The following IFT80 variants were observed in gnomAD, a reference collection of about 807,000 sequenced individuals.
IFT80 encodes the protein intraflagellar transport 80, also known as intraflagellar transport protein 80 homolog.
IFT80 carries 79 observed loss-of-function variants against 107.9 expected under a neutral mutation model. The ratio of observed to expected loss-of-function variants is 0.73; its 90% CI spans 0.61 to 0.88. The LOEUF (loss-of-function observed/expected upper bound fraction) is 0.88, where lower values mean the gene tolerates loss of function less well. Ranked by LOEUF, IFT80 falls within the 40% of genes least tolerant of loss-of-function variation. IFT80 has a pLI of 0.00. For synonymous variants in IFT80, 299 were observed against 300.9 expected (o/e 0.99, Z 0.07); for missense variants, 797 against 914.2 (o/e 0.87, Z 1.65).
chr3:160,381,358 T>C (rs1712500520), intron 3 of IFT80, 145 bp downstream of exon 3: 1 of 688,254 alleles, frequency 1.5e-6, no homozygotes, highest in East Asian at 2.7e-5. Context: ...ACAAACCAAG[T>C]GACTATTCAG....
chr3:160,279,448 G>C, intron 15 of IFT80, 84 bp from the exon 16 acceptor site: 1 of 1,057,092 alleles, frequency 9.5e-7, no homozygotes, highest in East Asian at 2.5e-5. Flanking sequence ...GGAGTGGACC[G>C]TGAAATACAC....
At position 160,395,068 on chromosome 3, in the gene IFT80, A is replaced by T. The variant is rs376654326; in HGVS notation, c.-47+4078T>A. On this transcript the variant is annotated intron_variant, in intron 1 of 19. Transcript: ENST00000326448. Reference sequence around the variant, plus strand: ...CAATGCTCACAGTATTATTTAATCTATCCACTTATATATTTAATATAGAAT... The same window carrying T: ...CAATGCTCACAGTATTATTTAATCTTTCCACTTATATATTTAATATAGAAT... 3.3e-5 allele frequency among the ~76,000 whole-genome samples: 5 copies of T among 152,202 alleles called. No homozygotes were observed. In the East Asian group the frequency reaches 5.8e-4, roughly 18 times the overall value.
intron 9 of IFT80, among the ~76,000 whole-genome samples, chr3:160,309,361 TAAGG>T (rs1189601213): frequency 6.6e-6 from 1 of 152,078 alleles, no homozygotes; most frequent in Non-Finnish European, 1.5e-5. Flanking sequence ...TAAAAAGGAA[TAAGG>T]AAGATCTATA....
At chr3:160,299,340 A>C in intron 12 of IFT80, 1 of 566,924 alleles carries the variant, frequency 1.8e-6, no homozygotes, top group South Asian at 4.0e-5. Flanking sequence ...AAGAGGTGCT[A>C]TTATCTGAAG....
intron 6 of IFT80, 127 bp from the exon 7 acceptor site, chr3:160,357,705 T>A: frequency 1.6e-6 from 1 of 641,470 alleles, no homozygotes; most frequent in Non-Finnish European, 2.8e-6. Flanking sequence ...CTATCTTCCT[T>A]TTATAGCCAA....
intron 6 of IFT80, among the ~76,000 whole-genome samples, chr3:160,364,769 G>A (rs571745603): frequency 1.2e-4 from 18 of 152,036 alleles, no homozygotes; most frequent in South Asian, 8.3e-4. Flanking sequence ...ACCAAACACC[G>A]CATGTTCTCA....
At chr3:160,270,363 A>T (rs1377534470) in intron 18 of IFT80, among the ~76,000 whole-genome samples, 1 of 152,248 alleles carries the variant, frequency 6.6e-6, no homozygotes, top group Non-Finnish European at 1.5e-5. Flanking sequence ...GACATGGTGT[A>T]TGTATTGATT....
At chr3:160,360,766 T>A (rs1721432473) in intron 6 of IFT80, among the ~76,000 whole-genome samples, 1 of 152,144 alleles carries the variant, frequency 6.6e-6, no homozygotes, top group Admixed American at 6.5e-5. Flanking sequence ...CTAAGCTTCA[T>A]AAGTGAAGGA....
At chr3:160,333,510 A>G (rs1719233842) in intron 8 of IFT80, among the ~76,000 whole-genome samples, 2 of 152,032 alleles carry the variant, frequency 1.3e-5, no homozygotes, top group South Asian at 4.1e-4. Flanking sequence ...CTTATTCTTT[A>G]TGTTTTTTTC....
intron 12 of IFT80, among the ~76,000 whole-genome samples, chr3:160,286,133 C>A (rs191125300): frequency 6.6e-6 from 1 of 152,176 alleles, no homozygotes; most frequent in Admixed American, 6.5e-5. Context: ...AATGGGAAGT[C>A]CAAATGTGAA....
chr3:160,307,622 C>G lies in IFT80; in HGVS notation c.1076+41G>C, dbSNP rs146285406. The G allele has an allele frequency of 5.1e-3, 5,455 of 1,064,792 alleles. 23 individuals are homozygous for G. The highest frequency in any genetic ancestry group is 6.3e-3 in the Non-Finnish European group (4,327 of 682,360). The allele number at this position is 1,064,792 out of a possible 1,614,324, so 66.0% of individuals were successfully genotyped here. Reference sequence around the variant, plus strand: ...CTGAAAATAAACTCCTCAGCACAGACAGACAAAACTCTGAAATTTTAAGAA... The same window carrying G: ...CTGAAAATAAACTCCTCAGCACAGAGAGACAAAACTCTGAAATTTTAAGAA... On this transcript the variant is annotated intron_variant, in intron 10 of 19. Transcript: ENST00000326448.
rs562528538 is a variant in IFT80, at chr3:160,354,584, C to T, written c.777+1429G>A. 1.2e-4 allele frequency among the ~76,000 whole-genome samples: 19 copies of T among 152,180 alleles called. 1 individual carries two copies. Among genetic ancestry groups the T allele is most frequent in the African/African-American group, 2.9e-4 (12 of 41,528 alleles). On this transcript the variant is annotated intron_variant, in intron 8 of 19. Coordinates refer to ENST00000326448, the MANE Select transcript of IFT80 (RefSeq NM_020800.3). ...AGGAGAATGGCGTGAACCTGGTAGGCGGAGCCTGCAGTGAGCTGAGACCGC... is the reference window on the plus strand; with the variant it reads ...AGGAGAATGGCGTGAACCTGGTAGGTGGAGCCTGCAGTGAGCTGAGACCGC...
intron 9 of IFT80, among the ~76,000 whole-genome samples, chr3:160,308,603 T>C (rs1269126019): frequency 6.6e-6 from 1 of 152,176 alleles, no homozygotes; most frequent in African/African-American, 2.4e-5. Context: ...TAGAAATTAG[T>C]ACTGCTTTAA....
At chr3:160,344,086 T>C (rs1440775921) in intron 8 of IFT80, among the ~76,000 whole-genome samples, 3 of 152,174 alleles carry the variant, frequency 2.0e-5, no homozygotes, top group Non-Finnish European at 4.4e-5. Context: ...GGAGCCCCAT[T>C]TTCCCATTTC....
intron 12 of IFT80, among the ~76,000 whole-genome samples, chr3:160,289,434 A>G (rs1715358121): frequency 6.6e-6 from 1 of 152,214 alleles, no homozygotes. Context: ...AAACCTGCAC[A>G]TGTACCCTGA....
intron 8 of IFT80, 116 bp downstream of exon 8, chr3:160,355,897 A>G: frequency 1.6e-6 from 2 of 1,229,582 alleles, no homozygotes; most frequent in Non-Finnish European, 2.4e-6. Flanking sequence ...GACAAATCAG[A>G]AAGATTCAAC....
chr3:160,280,891 C>A, intron 14 of IFT80, 77 bp from the exon 15 acceptor site: 6 of 1,276,766 alleles, frequency 4.7e-6, no homozygotes, highest in African/African-American at 1.5e-5. Context: ...AAATGCCTGA[C>A]AAACAAAATC....
chr3:160,326,121 C>T (rs1046119681), intron 8 of IFT80, among the ~76,000 whole-genome samples: 2 of 151,952 alleles, frequency 1.3e-5, no homozygotes, highest in African/African-American at 4.8e-5. Flanking sequence ...AACAAACCTG[C>T]ACACGTACCC....
chr3:160,322,420 T>C (rs939554196), intron 8 of IFT80, among the ~76,000 whole-genome samples: 4 of 152,074 alleles, frequency 2.6e-5, no homozygotes, highest in Non-Finnish European at 5.9e-5. Flanking sequence ...CACATTTTCT[T>C]AATCCAGTCT....
Sources: allele counts gnomAD v4.1 joint callset (sites outside exome capture counted in the v4.1 genomes callset), GRCh38; gene constraint gnomAD v4.1.1; transcripts MANE v1.5; gene names NCBI Gene and HGNC (gene_info 2026-07-23, HGNC 2026-07-21).